The following MNT variants were observed in gnomAD, a reference collection of about 807,000 sequenced individuals.
MNT encodes MAX network transcriptional repressor, also known as max-binding protein MNT.
In MNT, 13 loss-of-function variants were observed where a neutral mutation model predicts 40.7. That is an observed-to-expected ratio of 0.32 (90% CI 0.21 to 0.51). The LOEUF (loss-of-function observed/expected upper bound fraction) is 0.51. MNT is among the 20% of genes least tolerant of loss of function. The probability of loss-of-function intolerance (pLI) is 0.98; values close to 1 mark genes in which losing one functional copy is unlikely to be tolerated. For missense variants in MNT, 757 were observed against 792.0 expected, an observed-to-expected ratio of 0.96 and a Z score of 0.53; for synonymous variants, 426 against 354.8, an observed-to-expected ratio of 1.20 and a Z score of -2.26.
rs780335013 is a variant in MNT, at chr17:2,395,298, G to A, written c.230C>T (p.Pro77Leu). ...LSPPAPPPAPPPPLATPAPLT... is the reference protein window; with the variant it reads ...LSPPAPPPAPLPPLATPAPLT... ...TGGGGCAGGGGTGGCAAGTGGTGGT[G>A]GGGGTGCCGGCGGGGGAGCCGGTGG... The change falls in exon 2 of 6, where the codon CCA becomes CTA. Residue 77 changes from proline to leucine, a missense_variant. By Grantham distance (98) the Pro-to-Leu change is moderately conservative. Transcript: ENST00000174618. 1.7e-5 allele frequency: 27 copies of A among 1,587,496 alleles called. No individual in the cohort carries two copies. The highest frequency in any genetic ancestry group is 2.2e-5 in the Non-Finnish European group (26 of 1,165,676).
Position 2,385,967 on chromosome 17 carries a change from G to T in MNT, c.*934C>A, listed in dbSNP as rs1282097404. The stretch of plus-strand genomic sequence containing the variant: ...GGAGCAGTGCCCAGCACTCAGCAGA[G>T]GTCAGAGATCAGGGGCTGAACGCAG... On this transcript the variant is annotated 3_prime_UTR_variant, in exon 6 of 6. Transcript: ENST00000174618. The T allele has an allele frequency of 5.3e-5, 8 of 152,324 alleles. No homozygotes were observed. The highest frequency in any genetic ancestry group is 1.2e-4 in the Non-Finnish European group (8 of 68,124). 9.4% of individuals were successfully genotyped at this position (152,324 alleles called of 1,614,324 possible). A position where few individuals can be genotyped will look rare whatever the true frequency, so the allele number is the denominator to read the frequency against.
rs192876156 is a variant in MNT, at chr17:2,387,812, G to A, written c.1000+45C>T. ...GGCCAGGGAGGCTGGAATTTGAGGT[G>A]TAACATCTGAGGGCTGGGGGGCCAG... On this transcript the variant is annotated intron_variant, in intron 5 of 5. Transcript: ENST00000174618. 1,857 of 1,561,654 alleles carry A rather than the reference G, an allele frequency of 1.2e-3. 3 individuals carry two copies. The highest frequency in any genetic ancestry group is 1.5e-3 in the Non-Finnish European group (1,689 of 1,156,714).
At chr17:2,398,677 A>G (rs2066593230) in intron 1 of MNT, among the ~76,000 whole-genome samples, 2 of 152,226 alleles carry the variant, frequency 1.3e-5, no homozygotes, top group Non-Finnish European at 2.9e-5. Context: ...AACTCGGCCT[A>G]AACACAGTGC....
chr17:2,399,415 G>A (rs113709409), intron 1 of MNT, among the ~76,000 whole-genome samples: 2 of 152,190 alleles, frequency 1.3e-5, no homozygotes, highest in Non-Finnish European at 2.9e-5. Context: ...GATGCCAGGG[G>A]GCATAGTTGG....
In MNT at chr17:2,394,269, G is replaced by GCACACACACACACACACA. The variant is rs771759353; in HGVS notation, c.695+35_695+36insTGTGTGTGTGTGTGTGTG. 11 of 1,490,824 alleles carry GCACACACACACACACACA rather than the reference G, an allele frequency of 7.4e-6. No homozygotes were observed. The African/African-American group carries it at 1.9e-4, about 26-fold the overall frequency. The allele number at this position is 1,490,824 out of a possible 1,614,324, so 92.3% of individuals were successfully genotyped here. On this transcript the variant is annotated intron_variant, in intron 3 of 5. Transcript: ENST00000174618. Reference sequence around the variant, plus strand: ...GCCGGGGCCCGGGTCGCGCGCGCACGCACGCACGCACACACACACACACAC... The same window carrying GCACACACACACACACACA: ...GCCGGGGCCCGGGTCGCGCGCGCACGCACACACACACACACACACACGCACGCACACACACACACACAC...
Position 2,387,051 on chromosome 17 carries a change from G to C in MNT, c.1599C>G (p.Ala533=), listed in dbSNP as rs61742229. The change falls in exon 6 of 6, where the codon GCC becomes GCG. Residue 533 remains alanine (A), a synonymous_variant. Transcript: ENST00000174618. ...TLSHQQVNGT[A]GLGPPATVMA... Reference sequence around the variant, plus strand: ...TGACAGTAGCCGGGGGCCCCAGGCCGGCCGTGCCGTTGACTTGCTGGTGCG... The same window carrying C: ...TGACAGTAGCCGGGGGCCCCAGGCCCGCCGTGCCGTTGACTTGCTGGTGCG... 1 of 1,556,570 alleles carries C rather than the reference G, an allele frequency of 6.4e-7. No individual in the cohort carries two copies. The highest frequency in any genetic ancestry group is 8.7e-7 in the Non-Finnish European group (1 of 1,149,984).
intron 1 of MNT, among the ~76,000 whole-genome samples, 169 bp from the exon 2 acceptor site, chr17:2,395,623 G>A (rs1347367434): frequency 6.6e-6 from 1 of 152,076 alleles, no homozygotes; most frequent in Non-Finnish European, 1.5e-5. Flanking sequence ...AGTGCCGGGG[G>A]CACAGCAGTG....
chr17:2,398,894 C>A (rs948819993), intron 1 of MNT, among the ~76,000 whole-genome samples: 11 of 152,128 alleles, frequency 7.2e-5, no homozygotes, highest in African/African-American at 2.7e-4. Context: ...CTGCAAAACC[C>A]AGGCATCTGA....
chr17:2,394,765 A>G lies in MNT; in HGVS notation c.653+110T>C. On this transcript the variant is annotated intron_variant, in intron 2 of 5. Transcript: ENST00000174618. Reference sequence around the variant, plus strand: ...CATGGGCACAGTGATGACGTGTTCAAATACAGGGGGCACTTCTAAGCTGGG... The same window carrying G: ...CATGGGCACAGTGATGACGTGTTCAGATACAGGGGGCACTTCTAAGCTGGG... 4 of 736,674 alleles carry G rather than the reference A, an allele frequency of 5.4e-6. No homozygotes were observed. The South Asian group carries it at 6.9e-5, about 13-fold the overall frequency. The allele number at this position is 736,674 out of a possible 1,614,324, so 45.6% of individuals were successfully genotyped here. A position where few individuals can be genotyped will look rare whatever the true frequency, so the allele number is the denominator to read the frequency against.
chr17:2,393,896 G>A (rs1257482955), intron 4 of MNT, 147 bp downstream of exon 4: 8 of 412,574 alleles, frequency 1.9e-5, no homozygotes, highest in Non-Finnish European at 2.9e-5. Context: ...GACGTCAGCC[G>A]GGCCATGTGC....
rs763888031 is a variant in MNT at position 2,388,020 on chromosome 17, C to T, written c.837G>A (p.Glu279=). 7.0e-6 allele frequency: 11 copies of T among 1,565,106 alleles called. No individual in the cohort carries two copies. In the Admixed American group the frequency reaches 1.9e-4, roughly 27 times the overall value. ...QSLKRKEKEY[E]HEMERLAREK... Reference sequence around the variant, plus strand: ...CACGTGCCAGCCGCTCCATTTCATGCTCATATTCCTTCTCCTTCCTCTTCA... The same window carrying T: ...CACGTGCCAGCCGCTCCATTTCATGTTCATATTCCTTCTCCTTCCTCTTCA... The change falls in exon 5 of 6, where the codon GAG becomes GAA. Residue 279 remains glutamate (E), a synonymous_variant. Coordinates refer to ENST00000174618, the MANE Select transcript of MNT (RefSeq NM_020310.3).
intron 4 of MNT, chr17:2,391,554 C>T (rs746940984): frequency 6.6e-6 from 1 of 152,288 alleles, no homozygotes; most frequent in African/African-American, 2.4e-5. Context: ...AAACCCATTT[C>T]CTTTCTGTGA....
At position 2,394,968 on chromosome 17, in the gene MNT, G is replaced by T. The variant is rs926932913; in HGVS notation, c.560C>A (p.Ala187Asp). ...CGTGGGTGGGGGCGGCTGCTGGGGG[G>T]CCAGCTGAGGCTGGACTCCAGGGTG... ...APHPGVQPQLAPQQPPPPTLG... is the reference protein window; with the variant it reads ...APHPGVQPQLDPQQPPPPTLG... Residue 187 changes from alanine to aspartate, a missense_variant, in exon 2 of 6, where the codon GCC becomes GAC. By Grantham distance (126) the Ala-to-Asp change is moderately radical. Around this residue, in one of 4 missense-constraint regions of MNT, gnomAD observed 335 missense variants for 291.4 expected, o/e 1.15. Transcript: ENST00000174618. 47 of 1,606,772 alleles carry T rather than the reference G, an allele frequency of 2.9e-5. No homozygotes were observed. Among genetic ancestry groups the T allele is most frequent in the Non-Finnish European group, 4.0e-5 (47 of 1,176,990 alleles).
chr17:2,387,456 C>T lies in MNT; in HGVS notation c.1194G>A (p.Val398=). 6.2e-7 allele frequency: 1 copy of T among 1,610,964 alleles called. No homozygotes were observed. The highest frequency in any genetic ancestry group is 8.5e-7 in the Non-Finnish European group (1 of 1,178,562). Residue 398 remains valine, a synonymous_variant, in exon 6 of 6, where the codon GTG becomes GTA. Transcript: ENST00000174618. The part of the protein sequence containing the change: ...SVALPPAHLP[V]QQQQPQQKTP... ...TCTTCTGCTGTGGCTGCTGCTGCTGCACGGGGAGGTGGGCAGGAGGTAGGG... is the reference window on the plus strand; with the variant it reads ...TCTTCTGCTGTGGCTGCTGCTGCTGTACGGGGAGGTGGGCAGGAGGTAGGG...
intron 1 of MNT, 113 bp downstream of exon 1, chr17:2,400,527 G>T: frequency 9.6e-7 from 1 of 1,042,048 alleles, no homozygotes; most frequent in Non-Finnish European, 1.3e-6. Flanking sequence ...GCGCTGCCAG[G>T]CTCCGCAGGC....
At chr17:2,393,973 C>T (rs1005627697) in intron 4 of MNT, 70 bp downstream of exon 4, 11 of 1,086,624 alleles carry the variant, frequency 1.0e-5, no homozygotes, top group East Asian at 3.4e-5. Flanking sequence ...CGGGGCGGGG[C>T]GCGGCCGGGG....
chr17:2,400,662 C>A lies in MNT; in HGVS notation c.51G>T (p.Ala17=). 1 of 1,586,064 alleles carries A rather than the reference C, an allele frequency of 6.3e-7. No homozygotes were observed. Among genetic ancestry groups the A allele is most frequent in the Non-Finnish European group, 8.5e-7 (1 of 1,169,626 alleles). Residue 17 remains alanine (A), a synonymous_variant, in exon 1 of 6, where the codon GCG becomes GCT. Coordinates refer to ENST00000174618, the MANE Select transcript of MNT (RefSeq NM_020310.3). The stretch of plus-strand genomic sequence containing the variant: ...CACCACGTGCTCTCTGTTGTTGCTG[C>A]GCTTGCCATTCCAGGAAGCGGGCCG... ...LEAARFLEWQ[A]QQQQRAREEQ...
At chr17:2,392,468 CAA>C (rs1454354334) in intron 4 of MNT, among the ~76,000 whole-genome samples, 4 of 152,234 alleles carry the variant, frequency 2.6e-5, no homozygotes, top group African/African-American at 9.6e-5. Context: ...GTAGTATCTG[CAA>C]AGAGGAACTC....
In MNT at chr17:2,386,274, A is replaced by G. The variant is rs1006535680; in HGVS notation, c.*627T>C. ...AATCATTTTAAGTAGTATCTACGGT[A>G]ACGAATCACAGTGACTGCAACCGGG... On this transcript the variant is annotated 3_prime_UTR_variant, in exon 6 of 6. Transcript: ENST00000174618. The G allele has an allele frequency of 3.3e-5, 5 of 152,216 alleles. No homozygotes were observed. The highest frequency in any genetic ancestry group is 7.3e-5 in the Non-Finnish European group (5 of 68,080). The allele number at this position is 152,216 out of a possible 1,614,324, so 9.4% of individuals were successfully genotyped here.
Sources: gnomAD v4.1 joint callset for allele counts (sites outside exome capture counted in the v4.1 genomes callset) on GRCh38, gnomAD v4.1.1 for gene constraint, gnomAD v4.1.1 regional missense constraint, MANE v1.5 for transcripts, NCBI Gene and HGNC (gene_info 2026-07-23, HGNC 2026-07-21) for gene names.